SLC60A2: variants seen among roughly 807,000 people sequenced by gnomAD.
SLC60A2 encodes the protein major facilitator superfamily domain containing 4B.
chr6:111,271,775 T>TTA, the SLC60A2 span, among the ~76,000 whole-genome samples: 18 of 18,850 alleles, frequency 9.5e-4, 1 homozygote, highest in African/African-American at 2.9e-3. Context: ...CCATCTCTAC[T>TTA]AAAAAAAAAA....
the SLC60A2 span, among the ~76,000 whole-genome samples, chr6:111,274,510 T>A: frequency 6.6e-6 from 1 of 152,226 alleles, no homozygotes; most frequent in Non-Finnish European, 1.5e-5. Context: ...TTAATCCGTT[T>A]ACATTCAAGG....
the SLC60A2 span, among the ~76,000 whole-genome samples, chr6:111,273,496 G>GTTTTTTTTTTTTTTTT: frequency 1.8e-5 from 2 of 109,864 alleles, no homozygotes. Context: ...TGAGATTTGT[G>GTTTTTTTTTTTTTTTT]TTTTTTTTTT....
chr6:111,273,691 C>G, the SLC60A2 span, among the ~76,000 whole-genome samples: 1 of 151,806 alleles, frequency 6.6e-6, no homozygotes, highest in African/African-American at 2.4e-5. Context: ...ACTGAAGTCC[C>G]CAACTACTAT....
At chr6:111,266,211 T>C in the SLC60A2 span, 26 of 1,613,398 alleles carry the variant, frequency 1.6e-5, no homozygotes, top group Non-Finnish European at 2.1e-5. Flanking sequence ...AGCAAGAGCA[T>C]CTGCTGAGAC....
the SLC60A2 span, among the ~76,000 whole-genome samples, chr6:111,264,154 T>C: frequency 6.6e-6 from 1 of 152,316 alleles, no homozygotes; most frequent in East Asian, 1.9e-4. Flanking sequence ...TGAAATGAAC[T>C]TAAAGAATTT....
chr6:111,262,419 C>G, the SLC60A2 span: 1 of 1,611,238 alleles, frequency 6.2e-7, no homozygotes. Context: ...TTATTTTTTA[C>G]TTTTGGGTAA....
chr6:111,272,808 G>A, the SLC60A2 span, among the ~76,000 whole-genome samples: 2 of 151,372 alleles, frequency 1.3e-5, no homozygotes, highest in Non-Finnish European at 2.9e-5. Context: ...CACCGCACCC[G>A]ATCTCTATCT....
At chr6:111,265,987 T>A in the SLC60A2 span, 1 of 1,614,210 alleles carries the variant, frequency 6.2e-7, no homozygotes, top group Non-Finnish European at 8.5e-7. Flanking sequence ...CTAGCTAAAC[T>A]GGCTTTGGGT....
the SLC60A2 span, among the ~76,000 whole-genome samples, chr6:111,263,025 C>G: frequency 3.9e-5 from 6 of 152,106 alleles, no homozygotes; most frequent in East Asian, 1.2e-3. Flanking sequence ...GCAACCTCCC[C>G]CTCCTGGGCT....
the SLC60A2 span, chr6:111,266,956 A>G: frequency 6.2e-7 from 1 of 1,614,198 alleles, no homozygotes; most frequent in Non-Finnish European, 8.5e-7. Flanking sequence ...ACAATGAGGC[A>G]TTCTATAATA....
the SLC60A2 span, among the ~76,000 whole-genome samples, chr6:111,273,662 C>A: frequency 6.6e-6 from 1 of 152,086 alleles, no homozygotes; most frequent in African/African-American, 2.4e-5. Flanking sequence ...GATGATCTGT[C>A]CAGTGCTGAG....
At chr6:111,273,194 A>AGGCTGGAGTGCAGTC in the SLC60A2 span, among the ~76,000 whole-genome samples, 5 of 152,238 alleles carry the variant, frequency 3.3e-5, no homozygotes, top group Non-Finnish European at 7.3e-5. Context: ...TCTGTTGCTC[A>AGGCTGGAGTGCAGTC]GGCTGGAGTG....
the SLC60A2 span, chr6:111,267,592 C>T: frequency 2.0e-4 from 31 of 154,094 alleles, no homozygotes; most frequent in South Asian, 4.9e-3. Context: ...GAGGCCGAGA[C>T]GGGCAGATCA....
the SLC60A2 span, chr6:111,271,071 T>G: frequency 1.3e-5 from 2 of 148,742 alleles, no homozygotes; most frequent in Non-Finnish European, 3.0e-5. Flanking sequence ...CACTGTGCCT[T>G]TAACCTACTG....
the SLC60A2 span, among the ~76,000 whole-genome samples, chr6:111,277,579 C>A: frequency 6.6e-6 from 1 of 152,146 alleles, no homozygotes; most frequent in African/African-American, 2.4e-5. Flanking sequence ...CTTGCCTTCA[C>A]CAAGCTTATG....
the SLC60A2 span, chr6:111,268,108 T>C: frequency 6.6e-6 from 1 of 152,214 alleles, no homozygotes; most frequent in Non-Finnish European, 1.5e-5. Flanking sequence ...TGCTAGAAAT[T>C]AGTACAAGTG....
the SLC60A2 span, among the ~76,000 whole-genome samples, chr6:111,279,301 G>C: frequency 6.9e-6 from 1 of 144,780 alleles, no homozygotes; most frequent in African/African-American, 2.6e-5. Flanking sequence ...TCGCTCTATT[G>C]CCCAGGCTGG....
chr6:111,267,429 G>A, the SLC60A2 span: 1 of 234,758 alleles, frequency 4.3e-6, no homozygotes, highest in Non-Finnish European at 8.3e-6. Flanking sequence ...GAGAAGGGGG[G>A]TATTCTCAGA....
the SLC60A2 span, chr6:111,269,052 C>G: frequency 2.0e-5 from 3 of 152,176 alleles, no homozygotes; most frequent in Non-Finnish European, 4.4e-5. Flanking sequence ...TGTTTTGTCT[C>G]AAGTAAAATA....
Sources: allele counts gnomAD v4.1 joint callset (sites outside exome capture counted in the v4.1 genomes callset), GRCh38; gene constraint gnomAD v4.1.1; transcripts MANE v1.5; gene names NCBI Gene and HGNC (gene_info 2026-07-23, HGNC 2026-07-21).